Variants in EEFSEC observed in about 807,000 individuals in gnomAD.
EEFSEC encodes the protein eukaryotic elongation factor, selenocysteine-tRNA specific, also known as selenocysteine-specific elongation factor.
In EEFSEC, 43 loss-of-function variants were observed where a neutral mutation model predicts 42.1. The observed-to-expected ratio is 1.02, with a 90% CI of 0.80 to 1.32. The LOEUF is 1.32. Among genes scored for constraint, EEFSEC ranks in the 40% most tolerant of loss-of-function variants. EEFSEC has a pLI of 0.00. For missense variants in EEFSEC, 745 were observed against 803.6 expected (o/e 0.93, Z 0.88); for synonymous variants, 354 against 339.1 (o/e 1.04, Z -0.48).
At chr3:128,167,305 C>T (rs1576512386) in intron 1 of EEFSEC, among the ~76,000 whole-genome samples, 1 of 152,148 alleles carries the variant, frequency 6.6e-6, no homozygotes, top group East Asian at 1.9e-4. Context: ...GGGTAGGGGC[C>T]TGTTAGCATT....
chr3:128,239,279 A>G (rs756766062), intron 1 of EEFSEC, among the ~76,000 whole-genome samples: 10 of 152,140 alleles, frequency 6.6e-5, no homozygotes, highest in Non-Finnish European at 1.3e-4. Context: ...GCCTTTGGGT[A>G]TATGTGAGTC....
At chr3:128,409,878 C>G (rs1458995466), downstream of EEFSEC, among the ~76,000 whole-genome samples, 1 of 152,238 alleles carries the variant, frequency 6.6e-6, no homozygotes, top group South Asian at 2.1e-4. Flanking sequence ...GCCCTGCAGA[C>G]TGTTTCACCA....
At chr3:128,318,038 C>T (rs1275065315) in intron 4 of EEFSEC, among the ~76,000 whole-genome samples, 10 of 152,218 alleles carry the variant, frequency 6.6e-5, no homozygotes, top group Admixed American at 6.5e-5. Flanking sequence ...TTTCTCTAGA[C>T]ATGGCATAGT....
intron 4 of EEFSEC, among the ~76,000 whole-genome samples, chr3:128,300,428 A>C (rs1203687785): frequency 6.6e-6 from 1 of 151,794 alleles, no homozygotes; most frequent in Non-Finnish European, 1.5e-5. Context: ...CCCTGTCTCT[A>C]CTAAAAATAC....
chr3:128,342,097 CA>C (rs2067262237), intron 5 of EEFSEC, among the ~76,000 whole-genome samples: 1 of 152,242 alleles, frequency 6.6e-6, no homozygotes, highest in Non-Finnish European at 1.5e-5. Flanking sequence ...CCAGGGCCAG[CA>C]CCTGGGCAGG....
intron 4 of EEFSEC, among the ~76,000 whole-genome samples, chr3:128,286,894 C>T (rs966070205): frequency 6.6e-6 from 1 of 152,248 alleles, no homozygotes; most frequent in Non-Finnish European, 1.5e-5. Flanking sequence ...TGAGCTCATG[C>T]TCTGTCTCTG....
At chr3:128,420,354 C>T in the EEFSEC span, among the ~76,000 whole-genome samples, 1 of 152,260 alleles carries the variant, frequency 6.6e-6, no homozygotes, top group Non-Finnish European at 1.5e-5. Context: ...CCTCACTGCA[C>T]ATGTGAGAAC....
chr3:128,326,089 G>A (rs939881943), intron 4 of EEFSEC, among the ~76,000 whole-genome samples: 2 of 152,208 alleles, frequency 1.3e-5, no homozygotes, highest in Admixed American at 1.3e-4. Flanking sequence ...ATCTGGAGGG[G>A]GTGTTGAGGG....
At chr3:128,184,897 A>G (rs2065449128) in intron 1 of EEFSEC, among the ~76,000 whole-genome samples, 1 of 152,192 alleles carries the variant, frequency 6.6e-6, no homozygotes, top group Admixed American at 6.5e-5. Context: ...CTGGCATGGC[A>G]TGATGGCTCA....
intron 4 of EEFSEC, among the ~76,000 whole-genome samples, chr3:128,293,225 T>C (rs1290681667): frequency 6.6e-6 from 1 of 152,214 alleles, no homozygotes; most frequent in East Asian, 1.9e-4. Context: ...TACAGACCTA[T>C]ATGATGACTC....
the EEFSEC span, among the ~76,000 whole-genome samples, chr3:128,418,667 T>C: frequency 1.3e-5 from 2 of 151,476 alleles, no homozygotes; most frequent in African/African-American, 4.9e-5. Context: ...CCCCCAACTT[T>C]GCCCAGCACC....
chr3:128,193,283 A>G (rs2065546546), intron 1 of EEFSEC, among the ~76,000 whole-genome samples: 2 of 152,226 alleles, frequency 1.3e-5, no homozygotes, highest in South Asian at 4.1e-4. Context: ...CCCCAGAAAG[A>G]AAGTGCCCTC....
At chr3:128,189,402 T>C (rs2065498099) in intron 1 of EEFSEC, among the ~76,000 whole-genome samples, 1 of 152,198 alleles carries the variant, frequency 6.6e-6, no homozygotes, top group African/African-American at 2.4e-5. Context: ...GTTACTCAGG[T>C]GTTTGTGGTG....
chr3:128,215,195 T>C (rs1028587596), intron 1 of EEFSEC, among the ~76,000 whole-genome samples: 2 of 152,202 alleles, frequency 1.3e-5, no homozygotes, highest in African/African-American at 4.8e-5. Flanking sequence ...GATATATGTC[T>C]TATTTGAAGG....
chr3:128,425,886 G>A, the EEFSEC span, among the ~76,000 whole-genome samples: 1 of 152,160 alleles, frequency 6.6e-6, no homozygotes, highest in Admixed American at 6.5e-5. Context: ...TAAGGCAGAG[G>A]GGCCATCCCA....
At chr3:128,347,153 A>G (rs188224602) in intron 5 of EEFSEC, among the ~76,000 whole-genome samples, 34 of 152,310 alleles carry the variant, frequency 2.2e-4, no homozygotes, top group African/African-American at 6.0e-4. Context: ...ACTGGGATGC[A>G]TATACTACTT....
intron 6 of EEFSEC, among the ~76,000 whole-genome samples, chr3:128,359,174 A>G (rs2067494837): frequency 6.6e-6 from 1 of 152,102 alleles, no homozygotes; most frequent in South Asian, 2.1e-4. Context: ...AAGGAGCCAC[A>G]TGGGTAGTCA....
At chr3:128,325,319 A>G (rs2067052674) in intron 4 of EEFSEC, among the ~76,000 whole-genome samples, 1 of 152,234 alleles carries the variant, frequency 6.6e-6, no homozygotes, top group African/African-American at 2.4e-5. Context: ...CCTCAGGCCC[A>G]GCCATTGCTG....
At chr3:128,359,630 T>TA (rs1443277750) in intron 6 of EEFSEC, among the ~76,000 whole-genome samples, 1 of 152,082 alleles carries the variant, frequency 6.6e-6, no homozygotes, top group African/African-American at 2.4e-5. Flanking sequence ...ACAGTAAAAA[T>TA]TACAAAAATT....
Sources: allele counts gnomAD v4.1 joint callset (sites outside exome capture counted in the v4.1 genomes callset), GRCh38; gene constraint gnomAD v4.1.1; transcripts MANE v1.5; gene names NCBI Gene and HGNC (gene_info 2026-07-23, HGNC 2026-07-21).